The following BTBD8 variants were observed in gnomAD, a reference collection of about 807,000 sequenced individuals.
The protein encoded by BTBD8 is BTB domain containing 8, also known as BTB/POZ domain-containing protein 8.
Under a neutral mutation model 162.9 loss-of-function variants are expected in BTBD8, and 110 were observed. The observed-to-expected ratio is 0.68, with a 90% CI of 0.58 to 0.79. BTBD8 has a LOEUF of 0.79. Ranked by LOEUF, BTBD8 falls within the 30% of genes least tolerant of loss-of-function variation. BTBD8 has a pLI of 0.00. For missense variants in BTBD8, 1,905 were observed against 2,085.4 expected (o/e 0.91, Z 1.68); for synonymous variants, 667 against 716.1 (o/e 0.93, Z 1.10).
chr1:92,107,826 A>G, intron 3 of BTBD8, 58 bp from the exon 4 acceptor site: 3 of 1,403,612 alleles, frequency 2.1e-6, no homozygotes, highest in African/African-American at 1.5e-5. Flanking sequence ...AATAGAAAAC[A>G]ATTTTTGGAC....
At chr1:92,133,540 G>A (rs1649561206) in intron 5 of BTBD8, among the ~76,000 whole-genome samples, 1 of 152,178 alleles carries the variant, frequency 6.6e-6, no homozygotes, top group Non-Finnish European at 1.5e-5. Flanking sequence ...TAGATTCGAA[G>A]ACAATCCTGT....
At chr1:92,108,093 T>A in intron 4 of BTBD8, 92 bp downstream of exon 4, 1 of 1,221,746 alleles carries the variant, frequency 8.2e-7, no homozygotes, top group Non-Finnish European at 1.2e-6. Context: ...TTTCAAACTC[T>A]GGTTTTCACA....
At position 92,176,984 on chromosome 1, in the gene BTBD8, T is replaced by C. The variant is rs533261386; in HGVS notation, c.1791T>C (p.Ser597=). 2 of 1,547,424 alleles carry C rather than the reference T, an allele frequency of 1.3e-6. No individual in the cohort carries two copies. Among genetic ancestry groups the C allele is most frequent in the African/African-American group, 1.4e-5 (1 of 72,692 alleles). The change falls in exon 14 of 18, where the codon AGT becomes AGC. Residue 597 remains serine (S), a synonymous_variant. Transcript: ENST00000636805. ...SGHSSSTNRN[S]INKTLKQDDV... ...ATTCGTCAAGTACCAATAGAAATAG[T>C]ATAAATAAAACTCTGAAGCAAGATG...
At chr1:92,139,113 CA>C (rs1339865539) in intron 5 of BTBD8, among the ~76,000 whole-genome samples, 7 of 152,078 alleles carry the variant, frequency 4.6e-5, no homozygotes, top group African/African-American at 1.7e-4. Flanking sequence ...AGAAGACGCT[CA>C]ATAAATAATG....
intron 1 of BTBD8, among the ~76,000 whole-genome samples, chr1:92,087,163 A>G (rs1381518551): frequency 6.6e-6 from 1 of 152,044 alleles, no homozygotes; most frequent in Non-Finnish European, 1.5e-5. Context: ...AAAACACTGT[A>G]TTTTCACATT....
chr1:92,176,888 CA>C lies in BTBD8; in HGVS notation c.1697del (p.Lys566ArgfsTer14), dbSNP rs1323544753. On this transcript the variant is annotated frameshift_variant, in exon 14 of 18. Coordinates refer to ENST00000636805, the MANE Select transcript of BTBD8 (RefSeq NM_001376131.1). LOFTEE classifies it high-confidence loss of function. ...IKIKSWRGNN[K>X]KECWSYLSTN... is the part of the protein sequence containing the mutation. ...AAATCAAATCTTGGAGGGGAAATAACAAGAAAGAGTGTTGGAGTTATCTCTC... is the reference window on the plus strand; with the variant it reads ...AAATCAAATCTTGGAGGGGAAATAACAGAAAGAGTGTTGGAGTTATCTCTC... 15 of 1,498,984 alleles carry C rather than the reference CA, an allele frequency of 1.0e-5. No homozygotes were observed. Among genetic ancestry groups the C allele is most frequent in the South Asian group, 1.4e-5 (1 of 74,038 alleles). The allele number at this position is 1,498,984 out of a possible 1,614,324, so 92.9% of individuals were successfully genotyped here. A position where few individuals can be genotyped will look rare whatever the true frequency, so the allele number is the denominator to read the frequency against.
chr1:92,158,513 C>A (rs918011348), intron 9 of BTBD8, among the ~76,000 whole-genome samples: 10 of 152,274 alleles, frequency 6.6e-5, no homozygotes, highest in Middle Eastern at 3.4e-3. Context: ...CACACATACA[C>A]TCTGTTACTG....
At chr1:92,086,402 C>T (rs550763933) in intron 1 of BTBD8, among the ~76,000 whole-genome samples, 82 of 152,242 alleles carry the variant, frequency 5.4e-4, no homozygotes, top group Non-Finnish European at 8.2e-4. Flanking sequence ...TCCCAACACT[C>T]AGCTTTTCCC....
chr1:92,179,955 A>C (rs947950537), intron 16 of BTBD8, among the ~76,000 whole-genome samples: 4 of 152,026 alleles, frequency 2.6e-5, no homozygotes, highest in African/African-American at 7.2e-5. Context: ...TTTCACCCTC[A>C]TATATTTTTG....
chr1:92,087,222 G>A (rs1383552753), intron 1 of BTBD8, among the ~76,000 whole-genome samples: 1 of 151,006 alleles, frequency 6.6e-6, no homozygotes, highest in African/African-American at 2.4e-5. Flanking sequence ...GTACTCATGA[G>A]CATCTGTTAG....
chr1:92,129,495 AAAAC>A (rs1405735650), intron 4 of BTBD8, among the ~76,000 whole-genome samples, 188 bp from the exon 5 acceptor site: 1 of 152,116 alleles, frequency 6.6e-6, no homozygotes, highest in Non-Finnish European at 1.5e-5. Context: ...CTTAAAACAA[AAAAC>A]AAAAAAAAAA....
chr1:92,106,609 C>T (rs1168530243), intron 3 of BTBD8, among the ~76,000 whole-genome samples: 3 of 115,086 alleles, frequency 2.6e-5, no homozygotes, highest in East Asian at 6.3e-4. Context: ...TGTGGTGAGC[C>T]AAGATTGCAC....
intron 9 of BTBD8, among the ~76,000 whole-genome samples, chr1:92,149,930 C>T (rs1650008398): frequency 6.6e-6 from 1 of 152,164 alleles, no homozygotes; most frequent in Admixed American, 6.5e-5. Flanking sequence ...AGTTTGTTCT[C>T]ACTCTCCCCA....
At chr1:92,142,203 T>C (rs1649794246) in intron 7 of BTBD8, among the ~76,000 whole-genome samples, 1 of 152,162 alleles carries the variant, frequency 6.6e-6, no homozygotes, top group Non-Finnish European at 1.5e-5. Flanking sequence ...GGGCAGCTGG[T>C]GGTGTCCTCA....
At chr1:92,124,194 C>T (rs1048264855) in intron 4 of BTBD8, among the ~76,000 whole-genome samples, 8 of 152,348 alleles carry the variant, frequency 5.3e-5, no homozygotes, top group Non-Finnish European at 7.3e-5. Context: ...TGTCTTCTGT[C>T]TCATAACTTG....
At chr1:92,108,754 T>G (rs1371923928) in intron 4 of BTBD8, among the ~76,000 whole-genome samples, 1 of 152,242 alleles carries the variant, frequency 6.6e-6, no homozygotes. Context: ...GACTAGAATC[T>G]GAACCAGAAA....
At chr1:92,118,803 C>CTTTCTTTTT (rs767516943) in intron 4 of BTBD8, among the ~76,000 whole-genome samples, 2 of 95,282 alleles carry the variant, frequency 2.1e-5, no homozygotes, top group African/African-American at 4.7e-5. Context: ...TTCTTTCTTT[C>CTTTCTTTTT]TTTTTTTTTT....
chr1:92,166,360 A>G (rs574848105), intron 9 of BTBD8, among the ~76,000 whole-genome samples: 1 of 151,928 alleles, frequency 6.6e-6, no homozygotes, highest in African/African-American at 2.4e-5. Context: ...AGGGAACTCA[A>G]ATTTTTCTTT....
Position 92,178,414 on chromosome 1 carries a change from G to A in BTBD8, c.2544G>A (p.Arg848=). ...TSNGCTAAQQ[R]TKSTPSNLTK... is the part of the protein sequence containing the mutation. ...ATGGATGTACTGCAGCTCAGCAGAG[G>A]ACAAAGAGTACCCCATCTAATCTTA... Residue 848 remains arginine, a synonymous_variant, in exon 16 of 18, where the codon AGG becomes AGA. Coordinates refer to ENST00000636805, the MANE Select transcript of BTBD8 (RefSeq NM_001376131.1). 6.4e-7 allele frequency: 1 copy of A among 1,551,318 alleles called. No homozygotes were observed. Among genetic ancestry groups the A allele is most frequent in the Non-Finnish European group, 8.7e-7 (1 of 1,146,802 alleles).
Sources: allele counts gnomAD v4.1 joint callset (sites outside exome capture counted in the v4.1 genomes callset), GRCh38; gene constraint gnomAD v4.1.1; transcripts MANE v1.5; gene names NCBI Gene and HGNC (gene_info 2026-07-23, HGNC 2026-07-21).